The following PCDHA3 variants were observed in gnomAD, a reference collection of about 807,000 sequenced individuals.
PCDHA3 encodes protocadherin alpha-3.
Under a neutral mutation model 62.2 loss-of-function variants are expected in PCDHA3, and 41 were observed. The observed-to-expected ratio is 0.66, with a 90% CI of 0.51 to 0.86. The LOEUF (loss-of-function observed/expected upper bound fraction) is 0.86. Ranked by LOEUF, PCDHA3 falls within the 40% of genes least tolerant of loss-of-function variation. The pLI is 0.00. For synonymous variants in PCDHA3, 640 were observed against 555.4 expected (o/e 1.15, Z -2.14); for missense variants, 1,304 against 1,241.2 (o/e 1.05, Z -0.76).
intron 1 of PCDHA3, chr5:140,805,484 C>T (rs892212400): frequency 1.1e-5 from 11 of 993,514 alleles, no homozygotes; most frequent in Admixed American, 1.2e-4. Flanking sequence ...AGAGAGGGAG[C>T]GTAAAGCTAT....
rs377749394 is a variant in PCDHA3 at position 140,801,910 on chromosome 5, A to G, written c.713A>G (p.Asn238Ser). The G allele has an allele frequency of 4.8e-5, 78 of 1,614,048 alleles. No individual in the cohort carries two copies. Among genetic ancestry groups the G allele is most frequent in the Middle Eastern group, 1.6e-4 (1 of 6,084 alleles). Reference sequence around the variant, plus strand: ...ATCACTGTTTTAGATGTAAACGACAACGCCCCAGCGTTTGAGAGGACGATC... The same window carrying G: ...ATCACTGTTTTAGATGTAAACGACAGCGCCCCAGCGTTTGAGAGGACGATC... The part of the protein sequence containing the change: ...LKITVLDVND[N>S]APAFERTIYK... The change falls in exon 1 of 4, where the codon AAC becomes AGC. Residue 238 changes from asparagine (N) to serine (S), a missense_variant. Physicochemically the swap from Asn to Ser is conservative, Grantham distance 46. Coordinates refer to ENST00000522353, the MANE Select transcript of PCDHA3 (RefSeq NM_018906.3).
At chr5:140,868,817 T>C in intron 1 of PCDHA3, 1 of 380,686 alleles carries the variant, frequency 2.6e-6, no homozygotes, top group South Asian at 6.7e-5. Context: ...TTGGAAATAT[T>C]TGGGGGAAGA....
chr5:140,949,260 T>A (rs1292112980), intron 1 of PCDHA3, among the ~76,000 whole-genome samples: 1 of 151,804 alleles, frequency 6.6e-6, no homozygotes, highest in African/African-American at 2.4e-5. Flanking sequence ...GATGAACATA[T>A]CACGTGCACT....
At chr5:140,818,343 G>T (rs1554127448) in intron 1 of PCDHA3, among the ~76,000 whole-genome samples, 1 of 152,136 alleles carries the variant, frequency 6.6e-6, no homozygotes, top group Non-Finnish European at 1.5e-5. Context: ...CTAGGCCACT[G>T]TCAAAGTCAT....
At chr5:140,875,754 G>A (rs369339386) in intron 1 of PCDHA3, 2 of 1,614,254 alleles carry the variant, frequency 1.2e-6, no homozygotes, top group African/African-American at 2.7e-5. Flanking sequence ...ACCGCGAGAA[G>A]CTGTGCGGGC....
At position 140,808,495 on chromosome 5, in the gene PCDHA3, G is replaced by C. The variant is rs375134546; in HGVS notation, c.2394+4904G>C. 4.7e-5 allele frequency: 76 copies of C among 1,614,062 alleles called. No homozygotes were observed. Among genetic ancestry groups the C allele is most frequent in the Admixed American group, 2.2e-4 (13 of 60,012 alleles). On this transcript the variant is annotated intron_variant, in intron 1 of 3. Coordinates refer to ENST00000522353, the MANE Select transcript of PCDHA3 (RefSeq NM_018906.3). ...GAGACGGGGGCTCGCCTTCGCTGTG[G>C]GCCACGGCCAGTGTTTCTGTGGAGG...
chr5:140,882,198 G>A lies in PCDHA3; in HGVS notation c.2394+78607G>A, dbSNP rs964999330. ...CCGCACTAGGAAGCCATAAAAATTG[G>A]GCCTTGAGAGACAGTTTGAGGTAAG... On this transcript the variant is annotated intron_variant, in intron 1 of 3. Coordinates refer to ENST00000522353, the MANE Select transcript of PCDHA3 (RefSeq NM_018906.3). The A allele has an allele frequency of 8.5e-6, 13 of 1,525,466 alleles. 1 individual carries two copies. In the East Asian group the frequency reaches 2.5e-4, roughly 29 times the overall value. The allele number at this position is 1,525,466 out of a possible 1,614,324, so 94.5% of individuals were successfully genotyped here.
In PCDHA3 at chr5:141,010,283, C is replaced by T. The variant is rs1554262872; in HGVS notation, c.*346C>T. ...TGCTCCGGGGATCCTGTCTTGATGACACTTGCAGGGCAGGCTGAAAAGTTT... is the reference window on the plus strand; with the variant it reads ...TGCTCCGGGGATCCTGTCTTGATGATACTTGCAGGGCAGGCTGAAAAGTTT... On this transcript the variant is annotated 3_prime_UTR_variant, in exon 4 of 4. Transcript: ENST00000522353. 6.4e-7 allele frequency: 1 copy of T among 1,551,220 alleles called. No individual in the cohort carries two copies. The highest frequency in any genetic ancestry group is 1.4e-5 in the African/African-American group (1 of 73,110).
chr5:140,862,862 C>T (rs782494104), intron 1 of PCDHA3: 1 of 507,446 alleles, frequency 2.0e-6, no homozygotes, highest in African/African-American at 3.1e-5. Flanking sequence ...AGCAATGTGA[C>T]GCTGCCAGGT....
intron 1 of PCDHA3, chr5:140,841,851 A>C: frequency 6.2e-7 from 1 of 1,613,782 alleles, no homozygotes; most frequent in South Asian, 1.1e-5. Flanking sequence ...TCTCATGATT[A>C]CTTCATGCTA....
intron 1 of PCDHA3, chr5:140,828,768 T>C (rs2150158736): frequency 6.2e-7 from 1 of 1,614,220 alleles, no homozygotes; most frequent in Non-Finnish European, 8.5e-7. Flanking sequence ...ACAGGCACTG[T>C]TCAGCTGCTG....
At chr5:140,913,797 A>T (rs546197577) in intron 1 of PCDHA3, among the ~76,000 whole-genome samples, 1 of 152,210 alleles carries the variant, frequency 6.6e-6, no homozygotes, top group Admixed American at 6.5e-5. Context: ...ATTTGTTTGA[A>T]TCAAATTTTC....
intron 1 of PCDHA3, chr5:140,968,939 A>G: frequency 6.2e-7 from 1 of 1,614,164 alleles, no homozygotes; most frequent in South Asian, 1.1e-5. Flanking sequence ...GACAATCATC[A>G]TTTTGAGCAT....
chr5:140,875,176 A>G, intron 1 of PCDHA3: 1 of 397,444 alleles, frequency 2.5e-6, no homozygotes, highest in Non-Finnish European at 4.2e-6. Context: ...TCGAAACATT[A>G]GAATTAAGAG....
At chr5:140,897,240 A>T (rs1475170855) in intron 1 of PCDHA3, among the ~76,000 whole-genome samples, 5 of 151,908 alleles carry the variant, frequency 3.3e-5, no homozygotes, top group Non-Finnish European at 5.9e-5. Flanking sequence ...TGTGCAGGTT[A>T]GTTACATATG....
intron 1 of PCDHA3, chr5:140,860,225 A>ATATATATATGT (rs2046281831): frequency 6.6e-6 from 1 of 151,528 alleles, no homozygotes; most frequent in Non-Finnish European, 1.5e-5. Context: ...ATGTATATAT[A>ATATATATATGT]AGCCAGGCAT....
rs1781057747 is a variant in PCDHA3 at position 140,847,527 on chromosome 5, G to T, written c.2394+43936G>T. On this transcript the variant is annotated intron_variant, in intron 1 of 3. Transcript: ENST00000522353. ...ACTTTGTAGAACTTAGTCAGGAAAA[G>T]AATCTCAAGCATAGCTTTAAAAACA... 2.0e-5 allele frequency: 3 copies of T among 149,526 alleles called. No homozygotes were observed. In the Admixed American group the frequency reaches 2.0e-4, roughly 10 times the overall value. The allele number at this position is 149,526 out of a possible 1,614,324, so 9.3% of individuals were successfully genotyped here.
At chr5:140,997,129 C>T (rs983112049) in intron 3 of PCDHA3, among the ~76,000 whole-genome samples, 1 of 152,094 alleles carries the variant, frequency 6.6e-6, no homozygotes, top group Non-Finnish European at 1.5e-5. Flanking sequence ...ATACACAATG[C>T]CCCCACACCC....
At chr5:140,824,113 A>G (rs1581806457) in intron 1 of PCDHA3, 1 of 1,613,954 alleles carries the variant, frequency 6.2e-7, no homozygotes. Flanking sequence ...TCAGGGTCCC[A>G]CCTCTACAGA....
Sources: allele counts gnomAD v4.1 joint callset (sites outside exome capture counted in the v4.1 genomes callset), GRCh38; gene constraint gnomAD v4.1.1; transcripts MANE v1.5; gene names NCBI Gene and HGNC (gene_info 2026-07-23, HGNC 2026-07-21).